Variants in USP8 observed in about 807,000 individuals in gnomAD.
The protein encoded by USP8 is ubiquitin carboxyl-terminal hydrolase 8.
Under a neutral mutation model 130.0 loss-of-function variants are expected in USP8, and 27 were observed. The ratio of observed to expected loss-of-function variants is 0.21; its 90% CI spans 0.15 to 0.29. USP8 has a LOEUF of 0.29. Ranked by LOEUF, USP8 falls within the 10% of genes least tolerant of loss-of-function variation. The pLI is 1.00. For synonymous variants in USP8, 392 were observed against 444.1 expected (o/e 0.88, Z 1.48); for missense variants, 1,029 against 1,312.2 (o/e 0.78, Z 3.33).
chr15:50,449,568 G>A (rs549081005), intron 4 of USP8, 83 bp downstream of exon 4: 20 of 1,043,524 alleles, frequency 1.9e-5, no homozygotes, highest in African/African-American at 6.7e-5. Flanking sequence ...TATATCTGAC[G>A]ATTCATATAA....
chr15:50,494,369 G>C, intron 16 of USP8, 89 bp downstream of exon 16: 1 of 1,140,902 alleles, frequency 8.8e-7, no homozygotes, highest in Non-Finnish European at 1.2e-6. Flanking sequence ...ATTCTAGTTG[G>C]TGATAGTTCA....
rs1007741639 is a variant in USP8 at position 50,508,080 on chromosome 15, A to T, written c.*8992A>T. 1.3e-5 allele frequency: 2 copies of T among 151,354 alleles called. No homozygotes were observed. The highest frequency in any genetic ancestry group is 4.8e-5 in the African/African-American group (2 of 41,278). The allele number at this position is 151,354 out of a possible 1,614,324, so 9.4% of individuals were successfully genotyped here. On this transcript the variant is annotated 3_prime_UTR_variant, in exon 20 of 20. Transcript: ENST00000307179. ...GCAAGACTCTGTCTCAAAAAAAAAAAAAAAAAAAAAAAAAGATTAGTTTAA... is the reference window on the plus strand; with the variant it reads ...GCAAGACTCTGTCTCAAAAAAAAAATAAAAAAAAAAAAAAGATTAGTTTAA...
rs751899199 is a variant in USP8 at position 50,493,068 on chromosome 15, T to C, written c.2447+155T>C. ...AATTTATTTTCTCTTAGTTCTTGAC[T>C]GGGAAGGCCATCGTCTAGGTGCCGG... On this transcript the variant is annotated intron_variant, in intron 15 of 19. Coordinates refer to ENST00000307179, the MANE Select transcript of USP8 (RefSeq NM_005154.5). The C allele has an allele frequency of 1.5e-5, 12 of 824,476 alleles. No individual in the cohort carries two copies. In the East Asian group the frequency reaches 2.2e-4, roughly 15 times the overall value. 51.1% of individuals were successfully genotyped at this position (824,476 alleles called of 1,614,324 possible). A position where few individuals can be genotyped will look rare whatever the true frequency, so the allele number is the denominator to read the frequency against.
At chr15:50,493,492 C>T in intron 15 of USP8, 1 of 518,792 alleles carries the variant, frequency 1.9e-6, no homozygotes, top group Non-Finnish European at 3.8e-6. Context: ...GTGGCTCACA[C>T]TGGTAATCCT....
At chr15:50,491,452 TTTC>T (rs770877330) in intron 14 of USP8, among the ~76,000 whole-genome samples, 1 of 152,226 alleles carries the variant, frequency 6.6e-6, no homozygotes, top group South Asian at 2.1e-4. Context: ...TGAGATTTAA[TTTC>T]TTCTTGAATC....
chr15:50,444,270 A>G (rs982537063), intron 3 of USP8, among the ~76,000 whole-genome samples: 1 of 151,340 alleles, frequency 6.6e-6, no homozygotes, highest in African/African-American at 2.4e-5. Flanking sequence ...CGCCTGGCCT[A>G]ATTTTTGTAT....
rs767075041 is a variant in USP8 at position 50,490,291 on chromosome 15, G to C, written c.2000G>C (p.Arg667Pro). The change falls in exon 14 of 20, where the codon CGT (arginine) becomes CCT (proline). Residue 667 changes from arginine to proline, a missense_variant. Arg to Pro is a moderately radical substitution (Grantham distance 103). Coordinates refer to ENST00000307179, the MANE Select transcript of USP8 (RefSeq NM_005154.5). The stretch of plus-strand genomic sequence containing the variant: ...CTTGACCCAATCACTGGAACCTTTC[G>C]TTATTATCATTCACCCACCAACACT... ...KFLDPITGTF[R>P]YYHSPTNTVH... 2.5e-6 allele frequency: 4 copies of C among 1,607,108 alleles called. No homozygotes were observed. Among genetic ancestry groups the C allele is most frequent in the Non-Finnish European group, 2.5e-6 (3 of 1,177,628 alleles).
intron 1 of USP8, among the ~76,000 whole-genome samples, chr15:50,433,827 G>T (rs575247692): frequency 1.3e-5 from 2 of 152,088 alleles, no homozygotes; most frequent in African/African-American, 2.4e-5. Context: ...GGATGGTCTT[G>T]ATCTCCTGAC....
intron 1 of USP8, among the ~76,000 whole-genome samples, chr15:50,431,329 T>TA (rs563221830): frequency 1.1e-3 from 172 of 152,304 alleles, no homozygotes; most frequent in African/African-American, 3.9e-3. Flanking sequence ...CAATCTTACT[T>TA]ACATATCCCT....
chr15:50,497,302 A>G, intron 18 of USP8, 71 bp downstream of exon 18: 1 of 1,512,834 alleles, frequency 6.6e-7, no homozygotes, highest in Admixed American at 2.3e-5. Flanking sequence ...TGTAATTTAT[A>G]CTTGTTGTAC....
intron 1 of USP8, among the ~76,000 whole-genome samples, chr15:50,431,479 T>C (rs2141245723): frequency 6.6e-6 from 1 of 152,318 alleles, no homozygotes. Flanking sequence ...AATTTAGTTA[T>C]TCTTGTTAGT....
chr15:50,440,182 C>CT (rs1156754342), intron 2 of USP8, among the ~76,000 whole-genome samples: 1 of 152,210 alleles, frequency 6.6e-6, no homozygotes, highest in Non-Finnish European at 1.5e-5. Flanking sequence ...GAAAACAACT[C>CT]TAACTCCTGT....
At chr15:50,454,674 C>G (rs1157945901) in intron 4 of USP8, among the ~76,000 whole-genome samples, 1 of 152,022 alleles carries the variant, frequency 6.6e-6, no homozygotes, top group East Asian at 1.9e-4. Context: ...AGGCTGGTCT[C>G]AAACTCCTGA....
At chr15:50,480,825 G>A (rs1431879625) in intron 10 of USP8, among the ~76,000 whole-genome samples, 6 of 151,958 alleles carry the variant, frequency 3.9e-5, no homozygotes, top group South Asian at 2.1e-4. Flanking sequence ...ATTGGGGGGC[G>A]GGGGCAAGAG....
Position 50,512,160 on chromosome 15 carries a change from A to C in USP8, c.*13072A>C, listed in dbSNP as rs1189387486. ...TCAGGAGTTCAAGACCAGCCTGGTCAACATGGTGAAACCCCACCTCTACTA... is the reference window on the plus strand; with the variant it reads ...TCAGGAGTTCAAGACCAGCCTGGTCCACATGGTGAAACCCCACCTCTACTA... On this transcript the variant is annotated 3_prime_UTR_variant, in exon 20 of 20. Coordinates refer to ENST00000307179, the MANE Select transcript of USP8 (RefSeq NM_005154.5). 1 of 151,900 alleles carries C rather than the reference A, an allele frequency of 6.6e-6. No individual in the cohort carries two copies. The highest frequency in any genetic ancestry group is 1.9e-4 in the East Asian group (1 of 5,160). The allele number at this position is 151,900 out of a possible 1,614,324, so 9.4% of individuals were successfully genotyped here.
At position 50,502,278 on chromosome 15, in the gene USP8, T is replaced by A. The variant is rs2052601356; in HGVS notation, c.*3190T>A. The A allele has an allele frequency of 1.3e-5, 2 of 152,062 alleles. No individual in the cohort carries two copies. The highest frequency in any genetic ancestry group is 4.8e-5 in the African/African-American group (2 of 41,362). The allele number at this position is 152,062 out of a possible 1,614,324, so 9.4% of individuals were successfully genotyped here. A position where few individuals can be genotyped will look rare whatever the true frequency, so the allele number is the denominator to read the frequency against. ...GTGCCTGCCACCATGCCCAGCTAATTTTTTGTATTTTTAGTAGAGATGGGG... is the reference window on the plus strand; with the variant it reads ...GTGCCTGCCACCATGCCCAGCTAATATTTTGTATTTTTAGTAGAGATGGGG... On this transcript the variant is annotated 3_prime_UTR_variant, in exon 20 of 20. Transcript: ENST00000307179.
rs367808196 is a variant in USP8, at chr15:50,478,022, T to C, written c.1218+523T>C. 9.2e-5 allele frequency among the ~76,000 whole-genome samples: 14 copies of C among 152,262 alleles called. No individual in the cohort carries two copies. In the East Asian group the frequency reaches 1.5e-3, roughly 17 times the overall value. On this transcript the variant is annotated intron_variant, in intron 10 of 19. Transcript: ENST00000307179. ...ATATTAGAGTAGATAATTAAGGGGT[T>C]TCCAAGCCAGTTGGCGATCCATTTG...
intron 3 of USP8, among the ~76,000 whole-genome samples, chr15:50,441,720 T>G (rs1223806753): frequency 6.6e-6 from 1 of 152,180 alleles, no homozygotes; most frequent in Non-Finnish European, 1.5e-5. Context: ...AGTACAAGTT[T>G]ATAGCAACAT....
At chr15:50,445,846 G>C (rs1470597302) in intron 3 of USP8, among the ~76,000 whole-genome samples, 2 of 141,966 alleles carry the variant, frequency 1.4e-5, no homozygotes, top group South Asian at 4.4e-4. Context: ...AACAGAGCAA[G>C]ACTCCGTCTC....
Sources: gnomAD v4.1 joint callset for allele counts (sites outside exome capture counted in the v4.1 genomes callset) on GRCh38, gnomAD v4.1.1 for gene constraint, MANE v1.5 for transcripts, NCBI Gene and HGNC (gene_info 2026-07-23, HGNC 2026-07-21) for gene names.